The following ATXN2 variants were observed in gnomAD, a reference collection of about 807,000 sequenced individuals.
The protein encoded by ATXN2 is ataxin 2.
Under a neutral mutation model 138.6 loss-of-function variants are expected in ATXN2, and 37 were observed. The observed-to-expected ratio is 0.27, with a 90% CI of 0.21 to 0.35. The LOEUF (loss-of-function observed/expected upper bound fraction) is 0.35. Among genes scored for constraint, ATXN2 ranks in the 10% least tolerant of loss-of-function variants. The pLI, the probability that ATXN2 is intolerant of heterozygous loss-of-function variation, is 1.00. For synonymous variants in ATXN2, 549 were observed against 543.7 expected, an observed-to-expected ratio of 1.01 and a Z score of -0.13; for missense variants, 1,216 against 1,480.3, an observed-to-expected ratio of 0.82 and a Z score of 2.93.
intron 14 of ATXN2, among the ~76,000 whole-genome samples, chr12:111,503,379 C>A (rs1233059682): frequency 6.6e-6 from 1 of 152,182 alleles, no homozygotes; most frequent in African/African-American, 2.4e-5. Context: ...TTTGCCCAAG[C>A]TGCCTAATAT....
chr12:111,468,339 A>G (rs567640454), intron 20 of ATXN2: 1 of 152,384 alleles, frequency 6.6e-6, no homozygotes, highest in South Asian at 2.1e-4. Context: ...CCTCTTGAAA[A>G]AAATGTTTTC....
In ATXN2 at chr12:111,552,563, T is replaced by C. The variant is rs1225491432; in HGVS notation, c.421-133A>G. 1.6e-5 allele frequency: 14 copies of C among 893,320 alleles called. No individual in the cohort carries two copies. In the South Asian group the frequency reaches 2.4e-4, roughly 15 times the overall value. 55.3% of individuals were successfully genotyped at this position (893,320 alleles called of 1,614,324 possible). A position where few individuals can be genotyped will look rare whatever the true frequency, so the allele number is the denominator to read the frequency against. On this transcript the variant is annotated intron_variant, in intron 4 of 24. Transcript: ENST00000673436. This position sits in a 1 kb window ranked among gnomAD's most constrained non-coding sequence, Gnocchi z 4.1. The stretch of plus-strand genomic sequence containing the variant: ...AATCTCAAGAGAATCATACCCTTTT[T>C]CCCAGGCATATGATCTATTATCCAT...
chr12:111,510,063 C>T (rs979152055), intron 12 of ATXN2, 65 bp from the exon 13 acceptor site: 3 of 1,171,156 alleles, frequency 2.6e-6, no homozygotes, highest in South Asian at 1.4e-5. Flanking sequence ...AAACACTGAA[C>T]AATAATTTTG....
chr12:111,520,688 C>T (rs1179385641), intron 7 of ATXN2, among the ~76,000 whole-genome samples, 194 bp downstream of exon 7: 3 of 151,896 alleles, frequency 2.0e-5, no homozygotes, highest in Non-Finnish European at 2.9e-5. Flanking sequence ...TTGTTTAGAG[C>T]ATAAAAACAG....
intron 5 of ATXN2, among the ~76,000 whole-genome samples, chr12:111,530,553 G>A (rs900796354): frequency 6.6e-6 from 1 of 152,206 alleles, no homozygotes; most frequent in Non-Finnish European, 1.5e-5. Flanking sequence ...GGTGGCTCAC[G>A]CCTGTAATCT....
chr12:111,584,558 T>C (rs542018417), intron 1 of ATXN2, among the ~76,000 whole-genome samples: 2 of 152,022 alleles, frequency 1.3e-5, no homozygotes, highest in South Asian at 4.2e-4. Context: ...GGCAGCTGGG[T>C]GCAGTGGCTC....
chr12:111,489,611 CAAA>C (rs35926625), intron 14 of ATXN2, among the ~76,000 whole-genome samples: 3 of 112,882 alleles, frequency 2.7e-5, no homozygotes, highest in Admixed American at 9.3e-5. Flanking sequence ...GACTCCGTCT[CAAA>C]AAAAAAAAAA....
chr12:111,578,521 A>G (rs1004458434), intron 1 of ATXN2, among the ~76,000 whole-genome samples: 1 of 152,192 alleles, frequency 6.6e-6, no homozygotes, highest in Non-Finnish European at 1.5e-5. Flanking sequence ...CCTAAGAGTA[A>G]TACTCTGTAC....
intron 1 of ATXN2, among the ~76,000 whole-genome samples, chr12:111,573,582 C>G (rs544539089): frequency 2.0e-5 from 3 of 152,316 alleles, no homozygotes; most frequent in Admixed American, 2.0e-4. Flanking sequence ...TTTGAAATCT[C>G]ACAAGGTTAA....
At chr12:111,503,672 C>T (rs1164387139) in intron 14 of ATXN2, among the ~76,000 whole-genome samples, 1 of 151,836 alleles carries the variant, frequency 6.6e-6, no homozygotes, top group Non-Finnish European at 1.5e-5. Flanking sequence ...TCACTGCAAC[C>T]TCCACCTCCT....
At chr12:111,557,411 C>G (rs191596910) in intron 1 of ATXN2, among the ~76,000 whole-genome samples, 1 of 152,294 alleles carries the variant, frequency 6.6e-6, no homozygotes, top group Admixed American at 6.5e-5. Flanking sequence ...TCATTTCTAA[C>G]ATTCTAATTC....
chr12:111,552,739 G>A lies in ATXN2; in HGVS notation c.420+167C>T, dbSNP rs538744669. ...AAAAATGGTTGAAATATTTTAATAA[G>A]CACACACATCAAGAAGCCTCTCTGA... On this transcript the variant is annotated intron_variant, in intron 4 of 24. Coordinates refer to ENST00000673436, the MANE Select transcript of ATXN2 (RefSeq NM_001372574.1). This position sits in a 1 kb window ranked among gnomAD's most constrained non-coding sequence, Gnocchi z 4.1. 1.2e-3 allele frequency: 661 copies of A among 559,362 alleles called. No individual in the cohort carries two copies. The highest frequency in any genetic ancestry group is 1.9e-3 in the Non-Finnish European group (613 of 331,238). 34.6% of individuals were successfully genotyped at this position (559,362 alleles called of 1,614,324 possible). A position where few individuals can be genotyped will look rare whatever the true frequency, so the allele number is the denominator to read the frequency against.
intron 21 of ATXN2, 99 bp downstream of exon 21, chr12:111,464,563 C>A: frequency 1.1e-6 from 1 of 900,120 alleles, no homozygotes; most frequent in South Asian, 2.0e-5. Context: ...TTGACTGGCA[C>A]AAGGAAAATA....
At chr12:111,518,184 A>T in intron 9 of ATXN2, 65 bp downstream of exon 9, 4 of 1,343,552 alleles carry the variant, frequency 3.0e-6, no homozygotes, top group Non-Finnish European at 4.0e-6. Context: ...AACTATTTTA[A>T]GTATTTTAAG....
intron 14 of ATXN2, among the ~76,000 whole-genome samples, chr12:111,496,091 T>C (rs1440001461): frequency 2.6e-5 from 4 of 151,634 alleles, no homozygotes; most frequent in African/African-American, 9.7e-5. Flanking sequence ...AAGGCGGAGG[T>C]TGCAGGTGAG....
chr12:111,580,042 G>A (rs1175392243), intron 1 of ATXN2, among the ~76,000 whole-genome samples: 2 of 152,066 alleles, frequency 1.3e-5, no homozygotes, highest in African/African-American at 4.8e-5. Context: ...TTGAACTCCT[G>A]GGCTCCAGCG....
chr12:111,558,313 T>C (rs1882497330), intron 1 of ATXN2, among the ~76,000 whole-genome samples: 1 of 152,164 alleles, frequency 6.6e-6, no homozygotes, highest in Non-Finnish European at 1.5e-5. Flanking sequence ...AAACCAAATA[T>C]TTTACTATTT....
chr12:111,470,347 C>T, intron 19 of ATXN2, 107 bp from the exon 20 acceptor site: 1 of 1,364,518 alleles, frequency 7.3e-7, no homozygotes, highest in South Asian at 1.4e-5. Flanking sequence ...CCAGAAACAG[C>T]TGTAAACTCT....
Position 111,457,330 on chromosome 12 carries a change from C to G in ATXN2, c.2926G>C (p.Ala976Pro), listed in dbSNP as rs1875185493. Residue 976 changes from alanine (A) to proline (P), a missense_variant, in exon 22 of 25, where the codon GCG becomes CCG. This residue lies in a region of ATXN2 where 490 missense variants were observed against 653.5 expected (regional missense o/e 0.75). Coordinates refer to ENST00000673436, the MANE Select transcript of ATXN2 (RefSeq NM_001372574.1). ...ISTGSLAQQY[A>P]HPNATLHPHT... ...GGGTGCAGGGTAGCGTTAGGGTGCG[C>G]ATACTGCTGAGCAAGGGAGCCCGTG... The G allele has an allele frequency of 6.2e-7, 1 of 1,613,168 alleles. No individual in the cohort carries two copies. The highest frequency in any genetic ancestry group is 8.5e-7 in the Non-Finnish European group (1 of 1,179,672).
Sources: allele counts gnomAD v4.1 joint callset (sites outside exome capture counted in the v4.1 genomes callset), GRCh38; gene constraint gnomAD v4.1.1; regional missense constraint gnomAD v4.1.1; non-coding constraint Gnocchi (gnomAD v3.1); transcripts MANE v1.5; gene names NCBI Gene and HGNC (gene_info 2026-07-23, HGNC 2026-07-21).